Variants in FRMD3 observed in about 807,000 individuals in gnomAD.
FRMD3 encodes the protein FERM domain containing 3.
In FRMD3, 33 loss-of-function variants were observed where a neutral mutation model predicts 70.2. That is an observed-to-expected ratio of 0.47 (90% CI 0.36 to 0.63). FRMD3 has a LOEUF of 0.63. FRMD3 is among the 20% of genes least tolerant of loss of function. FRMD3 has a pLI of 0.00. For missense variants in FRMD3, 632 were observed against 711.4 expected (o/e 0.89, Z 1.27); for synonymous variants, 279 against 255.9 (o/e 1.09, Z -0.86).
intron 1 of FRMD3, among the ~76,000 whole-genome samples, chr9:83,480,397 A>T (rs948069789): frequency 6.6e-6 from 1 of 152,188 alleles, no homozygotes; most frequent in Non-Finnish European, 1.5e-5. Flanking sequence ...GAAAGCAAAA[A>T]ATAACAATAT....
At chr9:83,572,238 AAG>A in the FRMD3 span, among the ~76,000 whole-genome samples, 3 of 152,026 alleles carry the variant, frequency 2.0e-5, no homozygotes, top group Non-Finnish European at 4.4e-5. Flanking sequence ...GAGAAGAGTC[AAG>A]TAAAGAGGAA....
chr9:83,539,334 T>C (rs973691728), upstream of FRMD3, among the ~76,000 whole-genome samples: 5 of 152,196 alleles, frequency 3.3e-5, no homozygotes, highest in African/African-American at 1.2e-4. Flanking sequence ...CTGTGTCAGG[T>C]ACCGTAGGCC....
intron 3 of FRMD3, among the ~76,000 whole-genome samples, chr9:83,356,810 G>A (rs2131206566): frequency 6.6e-6 from 1 of 151,878 alleles, no homozygotes; most frequent in Middle Eastern, 3.4e-3. Flanking sequence ...GTTCTTTAGT[G>A]GTGATTTCTG....
At chr9:83,479,769 G>A (rs111815253) in intron 1 of FRMD3, among the ~76,000 whole-genome samples, 2 of 38,582 alleles carry the variant, frequency 5.2e-5, no homozygotes, top group African/African-American at 2.6e-4. Flanking sequence ...AAGGGAGGGA[G>A]GGAGGGAGGG....
chr9:83,519,325 G>A (rs1829520985), intron 1 of FRMD3, among the ~76,000 whole-genome samples: 1 of 152,042 alleles, frequency 6.6e-6, no homozygotes, highest in Non-Finnish European at 1.5e-5. Flanking sequence ...TCAAAAAGTG[G>A]GCAAGGGATA....
intron 1 of FRMD3, among the ~76,000 whole-genome samples, chr9:83,438,836 G>A (rs570250195): frequency 1.1e-4 from 17 of 152,202 alleles, no homozygotes; most frequent in Non-Finnish European, 1.8e-4. Context: ...GCGTCCTACA[G>A]CTGAGAGGGC....
intron 1 of FRMD3, among the ~76,000 whole-genome samples, chr9:83,435,078 C>T (rs1431132635): frequency 6.6e-6 from 1 of 152,138 alleles, no homozygotes; most frequent in Non-Finnish European, 1.5e-5. Context: ...ATCCACCTGC[C>T]TCAGCCTCCC....
At chr9:83,405,731 C>T (rs1826081693) in intron 1 of FRMD3, among the ~76,000 whole-genome samples, 1 of 151,292 alleles carries the variant, frequency 6.6e-6, no homozygotes, top group Non-Finnish European at 1.5e-5. Context: ...CATTGCACTC[C>T]AGCCTCGGCA....
chr9:83,378,263 T>TTG (rs1394483814), intron 2 of FRMD3, among the ~76,000 whole-genome samples: 21 of 141,472 alleles, frequency 1.5e-4, no homozygotes, highest in Non-Finnish European at 2.4e-4. Context: ...TCTTTTTTGT[T>TTG]TTTTTTGTTT....
chr9:83,291,475 T>G (rs1283629977), intron 12 of FRMD3, among the ~76,000 whole-genome samples: 2 of 152,222 alleles, frequency 1.3e-5, no homozygotes, highest in Admixed American at 1.3e-4. Flanking sequence ...CCATGCTTCC[T>G]GTCAAAACCA....
intron 1 of FRMD3, among the ~76,000 whole-genome samples, chr9:83,464,684 G>C (rs1230452594): frequency 2.0e-5 from 3 of 152,118 alleles, no homozygotes; most frequent in Admixed American, 6.5e-5. Context: ...TTCACTGTGA[G>C]AGGGTCTCTC....
At chr9:83,291,169 T>C (rs570667137) in intron 12 of FRMD3, among the ~76,000 whole-genome samples, 1 of 152,338 alleles carries the variant, frequency 6.6e-6, no homozygotes, top group East Asian at 1.9e-4. Context: ...GCAGATGTTC[T>C]ACAGCTATAA....
In FRMD3 at chr9:83,369,447, G is replaced by A. The variant is rs146926326; in HGVS notation, c.295+3466C>T. 7.5e-3 allele frequency among the ~76,000 whole-genome samples: 1,141 copies of A among 151,984 alleles called. 17 individuals carry two copies. Among genetic ancestry groups the A allele is most frequent in the African/African-American group, 0.025 (1,023 of 41,470 alleles). ...AAAAATTAGCTGGGTGCGGTGGCAC[G>A]TGCCTGTAATCCCAGCTACTCAGGG... On this transcript the variant is annotated intron_variant, in intron 3 of 13. Transcript: ENST00000304195.
In FRMD3 at chr9:83,488,972, T is replaced by TTGTATG. The variant is rs1554711649; in HGVS notation, c.147+49112_147+49113insCATACA. On this transcript the variant is annotated intron_variant, in intron 1 of 13. Transcript: ENST00000304195. ...AGCTGGAGCTTAGCCCCCTATACCT[T>TTGTATG]TGTGTGTGTGTGTGTGTGTGTGTGT... Among the ~76,000 whole-genome samples the TTGTATG allele has an allele frequency of 1.8e-4, 24 of 135,640 alleles. No homozygotes were observed. In the East Asian group the frequency reaches 4.2e-3, roughly 24 times the overall value. The allele number at this position is 135,640 out of a possible 152,430, so 89.0% of individuals were successfully genotyped here.
chr9:83,535,341 C>T (rs1272965693), intron 1 of FRMD3, among the ~76,000 whole-genome samples: 3 of 152,172 alleles, frequency 2.0e-5, no homozygotes, highest in Middle Eastern at 3.2e-3. Flanking sequence ...GTTTGAGTGG[C>T]TCATTTTTCT....
intron 13 of FRMD3, among the ~76,000 whole-genome samples, chr9:83,268,624 T>C (rs1563984220): frequency 6.6e-6 from 1 of 152,220 alleles, no homozygotes; most frequent in Non-Finnish European, 1.5e-5. Flanking sequence ...GAAAAAAGCA[T>C]CTTTATATAA....
chr9:83,565,335 T>A, the FRMD3 span, among the ~76,000 whole-genome samples: 1 of 152,208 alleles, frequency 6.6e-6, no homozygotes, highest in African/African-American at 2.4e-5. Flanking sequence ...GAGTTTCTAT[T>A]GATGTGGATG....
In FRMD3 at chr9:83,248,306, C is replaced by G; in HGVS notation, c.1406G>C (p.Cys469Ser). The change falls in exon 14 of 14, where the codon TGT (cysteine) becomes TCT (serine). Residue 469 changes from cysteine (C) to serine (S), a missense_variant. Physicochemically the swap from Cys to Ser is moderately radical, Grantham distance 112. This residue lies in a region of FRMD3 where 418 missense variants were observed against 442.1 expected (regional missense o/e 0.95). Transcript: ENST00000304195. ...TCTTTCCAACTCAAGCCTAGAAGGA[C>G]AGTCAAAGAGCATGTCAATCTCATC... ...DDDEIDMLFD[C>S]PSRLELERED... is the part of the protein sequence containing the mutation. 3.1e-6 allele frequency: 5 copies of G among 1,614,194 alleles called. No individual in the cohort carries two copies. The highest frequency in any genetic ancestry group is 4.2e-6 in the Non-Finnish European group (5 of 1,180,040).
At position 83,290,423 on chromosome 9, in the gene FRMD3, G is replaced by A. The variant is rs139999124; in HGVS notation, c.1195+180C>T. ...GAAGTCTCTCCAAGAGAAACTAATA[G>A]AGCTCCCAGTATAATACAGCCTTCC... is the stretch of plus-strand genomic sequence containing the variant. On this transcript the variant is annotated intron_variant, in intron 13 of 13. Transcript: ENST00000304195. 7.9e-5 allele frequency among the ~76,000 whole-genome samples: 12 copies of A among 152,214 alleles called. No individual in the cohort carries two copies. The East Asian group carries it at 2.1e-3, about 27-fold the overall frequency.
Sources: allele counts gnomAD v4.1 joint callset (sites outside exome capture counted in the v4.1 genomes callset), GRCh38; gene constraint gnomAD v4.1.1; regional missense constraint gnomAD v4.1.1; transcripts MANE v1.5; gene names NCBI Gene and HGNC (gene_info 2026-07-23, HGNC 2026-07-21).